Variants in ADGRL2 observed in about 807,000 individuals in gnomAD.
ADGRL2 encodes the protein adhesion G protein-coupled receptor L2, also known as calcium-independent alpha-latrotoxin receptor 2.
Under a neutral mutation model 157.4 loss-of-function variants are expected in ADGRL2, and 44 were observed. That is an observed-to-expected ratio of 0.28 (90% CI 0.22 to 0.36). The LOEUF (loss-of-function observed/expected upper bound fraction) is 0.36. Among genes scored for constraint, ADGRL2 ranks in the 10% least tolerant of loss-of-function variants. The probability of loss-of-function intolerance (pLI) is 1.00; values close to 1 mark genes in which losing one functional copy is unlikely to be tolerated. For synonymous variants in ADGRL2, 585 were observed against 624.7 expected, an observed-to-expected ratio of 0.94 and a Z score of 0.95; for missense variants, 1,510 against 1,768.9, an observed-to-expected ratio of 0.85 and a Z score of 2.63.
chr1:81,588,699 G>A (rs184186993), intron 3 of ADGRL2, among the ~76,000 whole-genome samples: 12 of 152,228 alleles, frequency 7.9e-5, no homozygotes, highest in African/African-American at 2.4e-4. Context: ...GTTAAACAAG[G>A]CATGGGAATA....
chr1:81,464,923 C>G (rs1436336580), intron 2 of ADGRL2, among the ~76,000 whole-genome samples: 1 of 111,914 alleles, frequency 8.9e-6, no homozygotes, highest in Non-Finnish European at 1.9e-5. Flanking sequence ...TGACAAATAG[C>G]CACCAGGGAG....
chr1:81,725,241 C>A lies in ADGRL2; in HGVS notation c.-143+25433C>A, dbSNP rs60873268. 1.9e-3 allele frequency among the ~76,000 whole-genome samples: 275 copies of A among 145,884 alleles called. 1 individual carries two copies. Among genetic ancestry groups the A allele is most frequent in the African/African-American group, 6.7e-3 (264 of 39,486 alleles). On this transcript the variant is annotated intron_variant, in intron 1 of 20. Coordinates refer to the ADGRL2 transcript ENST00000359929. ...AAAAAAGAACAAAAAACACTCACCACATAAACTTGCATTTGACGCCAGGCA... is the reference window on the plus strand; with the variant it reads ...AAAAAAGAACAAAAAACACTCACCAAATAAACTTGCATTTGACGCCAGGCA...
At chr1:81,519,295 T>C (rs2079255455) in intron 2 of ADGRL2, among the ~76,000 whole-genome samples, 1 of 152,216 alleles carries the variant, frequency 6.6e-6, no homozygotes, top group Admixed American at 6.5e-5. Context: ...CTATAGGTAT[T>C]ATCCAGTATA....
chr1:81,373,410 C>A (rs2076193918), intron 1 of ADGRL2, among the ~76,000 whole-genome samples: 1 of 152,114 alleles, frequency 6.6e-6, no homozygotes. Context: ...CACATATATT[C>A]TTTGGAAGAT....
At chr1:81,750,941 A>G (rs2085470507) in intron 1 of ADGRL2, among the ~76,000 whole-genome samples, 1 of 152,290 alleles carries the variant, frequency 6.6e-6, no homozygotes, top group African/African-American at 2.4e-5. Flanking sequence ...GGGCACACCT[A>G]CATCCCAGAT....
At chr1:81,903,773 T>A (rs1395645192) in intron 2 of ADGRL2, among the ~76,000 whole-genome samples, 3 of 144,064 alleles carry the variant, frequency 2.1e-5, no homozygotes, top group Non-Finnish European at 4.5e-5. Context: ...TATATACACA[T>A]TATATATATA....
At position 81,681,518 on chromosome 1, in the gene ADGRL2, G is replaced by T. The variant is rs186340699; in HGVS notation, c.-142-80293G>T. On this transcript the variant is annotated intron_variant, in intron 3 of 24. Transcript: ENST00000370721. ...TCTATTTTGAGGTTACTTATCAGTTGGTTATTGTGCTAATAATTGACATTA... is the reference window on the plus strand; with the variant it reads ...TCTATTTTGAGGTTACTTATCAGTTTGTTATTGTGCTAATAATTGACATTA... 2.3e-4 allele frequency among the ~76,000 whole-genome samples: 35 copies of T among 152,286 alleles called. No homozygotes were observed. The East Asian group carries it at 3.3e-3, about 14-fold the overall frequency.
chr1:81,800,350 T>C (rs895456063), upstream of ADGRL2: 1 of 152,098 alleles, frequency 6.6e-6, no homozygotes, highest in African/African-American at 2.4e-5. Flanking sequence ...AAAGACGCAT[T>C]AACCCTGGAG....
At chr1:81,617,017 G>A (rs551816370) in intron 3 of ADGRL2, among the ~76,000 whole-genome samples, 20 of 152,098 alleles carry the variant, frequency 1.3e-4, no homozygotes, top group Non-Finnish European at 2.6e-4. Flanking sequence ...TCACTTCCAT[G>A]GGCAAGTTCA....
intron 3 of ADGRL2, among the ~76,000 whole-genome samples, chr1:81,914,261 T>C (rs2094804032): frequency 6.6e-6 from 1 of 152,152 alleles, no homozygotes; most frequent in Admixed American, 6.6e-5. Context: ...TTAATTAATA[T>C]TTGTTTTCTG....
At position 81,527,186 on chromosome 1, in the gene ADGRL2, C is replaced by T. The variant is rs865858211; in HGVS notation, c.-247-53690C>T. 5.3e-5 allele frequency among the ~76,000 whole-genome samples: 8 copies of T among 152,296 alleles called. No individual in the cohort carries two copies. In the East Asian group the frequency reaches 1.2e-3, roughly 22 times the overall value. On this transcript the variant is annotated intron_variant, in intron 2 of 24. Transcript: ENST00000370721. ...CCAACCTGGTTCTGCTCTTTAGGAA[C>T]CACAAAAACAATGCAGATCATTTCC... is the stretch of plus-strand genomic sequence containing the variant.
chr1:81,843,408 G>A (rs1203468893), intron 2 of ADGRL2, among the ~76,000 whole-genome samples: 1 of 152,156 alleles, frequency 6.6e-6, no homozygotes, highest in East Asian at 1.9e-4. Context: ...TGGGATTACA[G>A]GCATGAACCA....
chr1:81,403,285 G>C (rs562092134), intron 1 of ADGRL2, among the ~76,000 whole-genome samples: 5 of 151,284 alleles, frequency 3.3e-5, no homozygotes, highest in African/African-American at 9.7e-5. Context: ...TTGTTTTTGA[G>C]ACAGAGTCTC....
At position 81,981,950 on chromosome 1, in the gene ADGRL2, A is replaced by G. The variant is rs1425831703; in HGVS notation, c.3256A>G (p.Ile1086Val). 6.2e-7 allele frequency: 1 copy of G among 1,611,942 alleles called. No individual in the cohort carries two copies. The highest frequency in any genetic ancestry group is 8.5e-7 in the Non-Finnish European group (1 of 1,178,752). Reference sequence around the variant, plus strand: ...TGCTTTCCAGGGAGTGTTCATTTTCATCTTTCACTGTGCTCTCCAAAAGAA... The same window carrying G: ...TGCTTTCCAGGGAGTGTTCATTTTCGTCTTTCACTGTGCTCTCCAAAAGAA... ...FNAFQGVFIF[I>V]FHCALQKKVR... The change falls in exon 19 of 24, where the codon ATC becomes GTC. Residue 1086 changes from isoleucine to valine, a missense_variant. Around this residue, in one of 4 missense-constraint regions of ADGRL2, gnomAD observed 497 missense variants for 627.2 expected, o/e 0.79. Coordinates refer to ENST00000686636, the MANE Select transcript of ADGRL2 (RefSeq NM_001366006.2).
intron 3 of ADGRL2, among the ~76,000 whole-genome samples, chr1:81,641,131 C>G (rs2082211172): frequency 6.6e-6 from 1 of 152,152 alleles, no homozygotes; most frequent in African/African-American, 2.4e-5. Flanking sequence ...ATTCTAGAAC[C>G]ACAAAGTCAA....
intron 1 of ADGRL2, among the ~76,000 whole-genome samples, chr1:81,402,784 G>A (rs1483097810): frequency 4.6e-5 from 7 of 152,124 alleles, no homozygotes; most frequent in African/African-American, 1.7e-4. Flanking sequence ...CTTCCAACAT[G>A]CCATGCATGT....
chr1:81,756,892 C>T (rs1478386978), intron 1 of ADGRL2, among the ~76,000 whole-genome samples: 3 of 152,236 alleles, frequency 2.0e-5, no homozygotes, highest in East Asian at 1.9e-4. Flanking sequence ...GGTTTACACA[C>T]GTGGAACAAC....
intron 1 of ADGRL2, among the ~76,000 whole-genome samples, chr1:81,308,217 T>C (rs948744443): frequency 2.6e-5 from 4 of 152,196 alleles, no homozygotes; most frequent in Admixed American, 2.0e-4. Context: ...AACTGAGGCT[T>C]TCCAGGAAGG....
chr1:81,969,350 T>G lies in ADGRL2; in HGVS notation c.2696T>G (p.Phe899Cys), dbSNP rs1358926563. ...TGTATCAACCTTTTCATTGCTGAAT[T>G]TATTTTCCTAATAGGCATTGATAAG... ...NLCINLFIAE[F>C]IFLIGIDKTK... The change falls in exon 15 of 24, where the codon TTT becomes TGT. Residue 899 changes from phenylalanine (F) to cysteine (C), a missense_variant. This residue lies in a region of ADGRL2 where 497 missense variants were observed against 627.2 expected (regional missense o/e 0.79). Transcript: ENST00000686636. 6.2e-7 allele frequency: 1 copy of G among 1,613,846 alleles called. No individual in the cohort carries two copies. The highest frequency in any genetic ancestry group is 1.3e-5 in the African/African-American group (1 of 74,918).
Sources: allele counts gnomAD v4.1 joint callset (sites outside exome capture counted in the v4.1 genomes callset), GRCh38; gene constraint gnomAD v4.1.1; regional missense constraint gnomAD v4.1.1; transcripts MANE v1.5; gene names NCBI Gene and HGNC (gene_info 2026-07-23, HGNC 2026-07-21).